The following STK3 variants were observed in gnomAD, a reference collection of about 807,000 sequenced individuals.
The protein encoded by STK3 is serine/threonine-protein kinase 3.
A neutral mutation model predicts 58.0 loss-of-function variants in STK3; 41 were observed. The ratio of observed to expected loss-of-function variants is 0.71; its 90% CI spans 0.55 to 0.92. The LOEUF (loss-of-function observed/expected upper bound fraction) is 0.92. Ranked by LOEUF, STK3 falls within the 40% of genes least tolerant of loss-of-function variation. The pLI is 0.00. For synonymous variants in STK3, 170 were observed against 191.0 expected (o/e 0.89, Z 0.91); for missense variants, 479 against 602.7 (o/e 0.79, Z 2.15).
chr8:98,900,588 GT>G (rs963077772), intron 1 of STK3, among the ~76,000 whole-genome samples: 1 of 151,358 alleles, frequency 6.6e-6, no homozygotes. Flanking sequence ...ATTACACATA[GT>G]TTTTTGTATA....
chr8:98,774,668 G>A, intron 2 of STK3, 71 bp downstream of exon 2: 1 of 1,112,602 alleles, frequency 9.0e-7, no homozygotes, highest in South Asian at 1.6e-5. Flanking sequence ...CTAGTTGAAA[G>A]ATTAACATCA....
intron 3 of STK3, among the ~76,000 whole-genome samples, chr8:98,409,619 T>C (rs528938251): frequency 1.3e-5 from 2 of 152,354 alleles, no homozygotes; most frequent in South Asian, 2.1e-4. Flanking sequence ...CTACCGCACC[T>C]TGCAATGTGA....
chr8:98,450,807 G>A (rs1819164122), downstream of STK3, among the ~76,000 whole-genome samples: 1 of 152,098 alleles, frequency 6.6e-6, no homozygotes, highest in Non-Finnish European at 1.5e-5. Flanking sequence ...TGTGAAAGAG[G>A]TAAAGTCATC....
chr8:98,835,260 T>C (rs1835704553), intron 3 of STK3, among the ~76,000 whole-genome samples: 1 of 152,208 alleles, frequency 6.6e-6, no homozygotes, highest in Non-Finnish European at 1.5e-5. Context: ...CAACTCTAGA[T>C]TGATCCTTCA....
At chr8:98,577,438 G>C (rs1053645283) in intron 8 of STK3, among the ~76,000 whole-genome samples, 4 of 152,194 alleles carry the variant, frequency 2.6e-5, no homozygotes, top group African/African-American at 9.7e-5. Context: ...AGTAAGCCAA[G>C]ATCATGCCAC....
In STK3 at chr8:98,596,083, C is replaced by T. The variant is rs1432643603; in HGVS notation, c.771G>A (p.Lys257=). 2.5e-6 allele frequency: 4 copies of T among 1,613,266 alleles called. No individual in the cohort carries two copies. Among genetic ancestry groups the T allele is most frequent in the African/African-American group, 1.3e-5 (1 of 74,918 alleles). The change falls in exon 7 of 11, where the codon AAG becomes AAA. Residue 257 remains lysine (K), a synonymous_variant. Coordinates refer to ENST00000419617, the MANE Select transcript of STK3 (RefSeq NM_006281.4). ...TCTGCTCAGGATTCTTCACCAAACA[C>T]TTTTTAACAAAATCGGTGAAATCAT... The part of the protein sequence containing the change: ...WSDDFTDFVK[K]CLVKNPEQRA...
At chr8:98,783,210 G>A (rs1832225304) in intron 1 of STK3, among the ~76,000 whole-genome samples, 1 of 152,022 alleles carries the variant, frequency 6.6e-6, no homozygotes, top group South Asian at 2.1e-4. Flanking sequence ...AAAAATGTTT[G>A]TTTTCCCAGG....
intron 6 of STK3, among the ~76,000 whole-genome samples, chr8:98,706,097 G>A (rs1328986896): frequency 6.6e-6 from 1 of 150,802 alleles, no homozygotes; most frequent in African/African-American, 2.4e-5. Flanking sequence ...TCACAGAGTG[G>A]GTAAAAAAGT....
chr8:98,713,204 C>T (rs1461900386), intron 4 of STK3, among the ~76,000 whole-genome samples: 3 of 152,160 alleles, frequency 2.0e-5, no homozygotes, highest in African/African-American at 7.2e-5. Context: ...AATTGACACC[C>T]TAACATCACA....
At chr8:98,347,376 G>A in the STK3 span, among the ~76,000 whole-genome samples, 9 of 151,746 alleles carry the variant, frequency 5.9e-5, no homozygotes, top group South Asian at 2.1e-4. Flanking sequence ...TTAGCCGGGC[G>A]TGATGGCGGG....
At chr8:98,738,699 T>C (rs532159944) in intron 4 of STK3, among the ~76,000 whole-genome samples, 1 of 152,256 alleles carries the variant, frequency 6.6e-6, no homozygotes, top group African/African-American at 2.4e-5. Context: ...CCATCTGAGG[T>C]ACCAGGTTCA....
upstream of STK3, among the ~76,000 whole-genome samples, chr8:98,393,033 G>C (rs377737729): frequency 6.6e-6 from 1 of 152,150 alleles, no homozygotes; most frequent in Admixed American, 6.5e-5. Context: ...TTCTCTCTGA[G>C]GGGGAGTCCA....
chr8:98,785,653 C>G (rs968196873), intron 1 of STK3, among the ~76,000 whole-genome samples: 1 of 152,116 alleles, frequency 6.6e-6, no homozygotes, highest in Non-Finnish European at 1.5e-5. Flanking sequence ...AAACAAGGAT[C>G]AAATATATAC....
At chr8:98,528,084 T>C (rs1271087178) in intron 9 of STK3, among the ~76,000 whole-genome samples, 1 of 152,220 alleles carries the variant, frequency 6.6e-6, no homozygotes, top group Non-Finnish European at 1.5e-5. Context: ...TACAGTTAAC[T>C]ATAACCCCTT....
chr8:98,439,555 T>C (rs1818617410), intron 1 of STK3, among the ~76,000 whole-genome samples: 2 of 152,136 alleles, frequency 1.3e-5, no homozygotes, highest in African/African-American at 4.8e-5. Flanking sequence ...AGGTGAATAA[T>C]GTCAAAAGGA....
At chr8:98,841,892 A>G (rs1240054814) in intron 3 of STK3, among the ~76,000 whole-genome samples, 2 of 152,118 alleles carry the variant, frequency 1.3e-5, no homozygotes, top group African/African-American at 2.4e-5. Flanking sequence ...TTTAGTATGC[A>G]TTAAAATCAC....
chr8:98,748,530 T>C (rs1379808566), intron 4 of STK3, among the ~76,000 whole-genome samples: 1 of 152,108 alleles, frequency 6.6e-6, no homozygotes, highest in Non-Finnish European at 1.5e-5. Context: ...TCTGAATGTA[T>C]TTTACTGAAA....
At chr8:98,608,214 A>C (rs1489978850) in intron 6 of STK3, among the ~76,000 whole-genome samples, 1 of 152,150 alleles carries the variant, frequency 6.6e-6, no homozygotes, top group East Asian at 1.9e-4. Context: ...ATTTCCATTG[A>C]AATAATGTGT....
At chr8:98,918,627 T>C (rs1440660453) in intron 1 of STK3, among the ~76,000 whole-genome samples, 1 of 151,784 alleles carries the variant, frequency 6.6e-6, no homozygotes, top group East Asian at 1.9e-4. Flanking sequence ...AAATTAGCTG[T>C]GGTGGTGGCA....
Sources: allele counts gnomAD v4.1 joint callset (sites outside exome capture counted in the v4.1 genomes callset), GRCh38; gene constraint gnomAD v4.1.1; transcripts MANE v1.5; gene names NCBI Gene and HGNC (gene_info 2026-07-23, HGNC 2026-07-21).